JAKMIP1: variants seen among roughly 807,000 people sequenced by gnomAD.
The protein encoded by JAKMIP1 is janus kinase and microtubule interacting protein 1.
Under a neutral mutation model 113.0 loss-of-function variants are expected in JAKMIP1, and 33 were observed. The observed-to-expected ratio is 0.29, with a 90% CI of 0.22 to 0.39. JAKMIP1 has a LOEUF of 0.39. JAKMIP1 is among the 10% of genes least tolerant of loss of function. JAKMIP1 has a pLI of 1.00. For synonymous variants in JAKMIP1, 480 were observed against 459.9 expected, an observed-to-expected ratio of 1.04 and a Z score of -0.56; for missense variants, 813 against 1,080.5, an observed-to-expected ratio of 0.75 and a Z score of 3.47.
intron 1 of JAKMIP1, among the ~76,000 whole-genome samples, chr4:6,177,749 C>T (rs1266775865): frequency 6.6e-6 from 1 of 152,266 alleles, no homozygotes; most frequent in Middle Eastern, 3.4e-3. Flanking sequence ...GCAACCTCCT[C>T]CACTCCACCC....
chr4:6,169,125 G>A (rs1724013414), intron 1 of JAKMIP1, among the ~76,000 whole-genome samples: 2 of 152,190 alleles, frequency 1.3e-5, no homozygotes, highest in South Asian at 4.1e-4. Flanking sequence ...AGATTTTATA[G>A]TACATGAATT....
At chr4:6,047,392 G>C (rs567772411) in intron 16 of JAKMIP1, among the ~76,000 whole-genome samples, 194 of 152,362 alleles carry the variant, frequency 1.3e-3, no homozygotes, top group African/African-American at 4.4e-3. Context: ...AGCCTAGGCA[G>C]CCACGGAGGG....
chr4:6,073,682 C>T (rs1719292017), intron 8 of JAKMIP1, among the ~76,000 whole-genome samples: 1 of 152,156 alleles, frequency 6.6e-6, no homozygotes, highest in Non-Finnish European at 1.5e-5. Context: ...TCCTTAGATC[C>T]CATGGATATA....
chr4:6,104,958 G>C (rs370139631), intron 3 of JAKMIP1, among the ~76,000 whole-genome samples: 1 of 152,190 alleles, frequency 6.6e-6, no homozygotes, highest in African/African-American at 2.4e-5. Context: ...AATGCCCCAA[G>C]GGAAGAAAGC....
Position 6,200,468 on chromosome 4 carries a change from C to T in JAKMIP1, c.-363G>A, listed in dbSNP as rs1728322408. ...GAGGATGGCAGTCGCGCGCGCGGCT[C>T]GGCGGGGCGGGAGTCGAGAGGCCGC... On this transcript the variant is annotated 5_prime_UTR_variant, in exon 1 of 21. Transcript: ENST00000409021. The surrounding 1 kb of genome is among the most constrained non-coding windows in gnomAD (Gnocchi z 7.0). The T allele has an allele frequency of 6.6e-6, 1 of 150,780 alleles. No individual in the cohort carries two copies. The highest frequency in any genetic ancestry group is 6.6e-5 in the Admixed American group (1 of 15,158). 9.3% of individuals were successfully genotyped at this position (150,780 alleles called of 1,614,324 possible).
intron 2 of JAKMIP1, among the ~76,000 whole-genome samples, chr4:6,112,330 A>G (rs1455716886): frequency 6.6e-6 from 1 of 152,194 alleles, no homozygotes; most frequent in Admixed American, 6.5e-5. Context: ...TTCTGTCCCC[A>G]TAATGAATGC....
In JAKMIP1 at chr4:6,169,496, C is replaced by G. The variant is rs940615787; in HGVS notation, c.-148+30757G>C. Among the ~76,000 whole-genome samples the G allele has an allele frequency of 2.6e-5, 4 of 152,218 alleles. No individual in the cohort carries two copies. In the South Asian group the frequency reaches 6.2e-4, roughly 24 times the overall value. On this transcript the variant is annotated intron_variant, in intron 1 of 20. Transcript: ENST00000409021. ...ACTAGAGCTTTCAGAGAGAGCATGG[C>G]CCTGCCCACACCTTCATCTCAGACT...
At chr4:6,173,805 G>A (rs755466940) in intron 1 of JAKMIP1, among the ~76,000 whole-genome samples, 7 of 152,208 alleles carry the variant, frequency 4.6e-5, no homozygotes, top group African/African-American at 7.2e-5. Context: ...GCTGGGCATG[G>A]TGGCTCACGC....
In JAKMIP1 at chr4:6,081,437, G is replaced by C. The variant is rs187371997; in HGVS notation, c.1101+172C>G. Among the ~76,000 whole-genome samples, 18 of 152,332 alleles carry C rather than the reference G, an allele frequency of 1.2e-4. No homozygotes were observed. In the East Asian group the frequency reaches 3.3e-3, roughly 28 times the overall value. Reference sequence around the variant, plus strand: ...CAAACACCCACAGCACAGTGAATGTGAGACAGGTGGAGAGAAAGGCGAGAC... The same window carrying C: ...CAAACACCCACAGCACAGTGAATGTCAGACAGGTGGAGAGAAAGGCGAGAC... On this transcript the variant is annotated intron_variant, in intron 6 of 20. Coordinates refer to ENST00000409021, the MANE Select transcript of JAKMIP1 (RefSeq NM_001099433.2). The surrounding 1 kb of genome is among the most constrained non-coding windows in gnomAD (Gnocchi z 4.6).
chr4:6,111,558 C>T (rs866772031), intron 2 of JAKMIP1, among the ~76,000 whole-genome samples: 2 of 152,242 alleles, frequency 1.3e-5, no homozygotes, highest in Non-Finnish European at 2.9e-5. Context: ...GCTATAATTA[C>T]ACCATAATAG....
intron 18 of JAKMIP1, among the ~76,000 whole-genome samples, chr4:6,039,431 G>A (rs1014033597): frequency 1.3e-5 from 2 of 152,150 alleles, no homozygotes; most frequent in South Asian, 2.1e-4. Flanking sequence ...TACGCTTTGC[G>A]GGACCCTAAG....
In JAKMIP1 at chr4:6,101,366, C is replaced by T. The variant is rs1578235487; in HGVS notation, c.624+4107G>A. ...GATCATCCTCTCTATAGTGAACTGC[C>T]ACGGTATCTTTGTCCACACACGTGA... On this transcript the variant is annotated intron_variant, in intron 3 of 20. Coordinates refer to ENST00000409021, the MANE Select transcript of JAKMIP1 (RefSeq NM_001099433.2). Among the ~76,000 whole-genome samples, 7 of 152,144 alleles carry T rather than the reference C, an allele frequency of 4.6e-5. 1 individual carries two copies. In the South Asian group the frequency reaches 1.5e-3, roughly 32 times the overall value.
At chr4:6,146,895 T>A (rs1720923169) in intron 1 of JAKMIP1, among the ~76,000 whole-genome samples, 1 of 152,226 alleles carries the variant, frequency 6.6e-6, no homozygotes, top group African/African-American at 2.4e-5. Context: ...TCTACCTCAT[T>A]AAAGGATGAG....
chr4:6,123,924 C>G (rs1342203063), intron 1 of JAKMIP1, among the ~76,000 whole-genome samples: 1 of 152,222 alleles, frequency 6.6e-6, no homozygotes, highest in East Asian at 1.9e-4. Flanking sequence ...TGCTTGCTGT[C>G]TCTTTTTATA....
chr4:6,116,125 G>A lies in JAKMIP1; in HGVS notation c.-147-3128C>T, dbSNP rs566476565. Among the ~76,000 whole-genome samples the A allele has an allele frequency of 6.6e-6, 1 of 152,190 alleles. No individual in the cohort carries two copies. Among genetic ancestry groups the A allele is most frequent in the Admixed American group, 6.5e-5 (1 of 15,290 alleles). Reference sequence around the variant, plus strand: ...AGTGCAGGAGGGGAAGATGTCCAAAGTTCTGGGCCAAGTCAATCTCGGAGC... The same window carrying A: ...AGTGCAGGAGGGGAAGATGTCCAAAATTCTGGGCCAAGTCAATCTCGGAGC... On this transcript the variant is annotated intron_variant, in intron 1 of 20. Transcript: ENST00000409021. This position sits in a 1 kb window ranked among gnomAD's most constrained non-coding sequence, Gnocchi z 5.1.
chr4:6,144,313 G>A (rs1720543385), intron 1 of JAKMIP1, among the ~76,000 whole-genome samples: 2 of 152,198 alleles, frequency 1.3e-5, no homozygotes, highest in African/African-American at 2.4e-5. Context: ...TCTATCAAAT[G>A]TTTGAAGAAG....
At chr4:6,041,731 A>G (rs1174553799) in intron 17 of JAKMIP1, among the ~76,000 whole-genome samples, 1 of 152,216 alleles carries the variant, frequency 6.6e-6, no homozygotes, top group African/African-American at 2.4e-5. Flanking sequence ...CCAAGTTTTC[A>G]TGGCCAGCAA....
At chr4:6,073,056 C>T (rs904639336) in intron 8 of JAKMIP1, among the ~76,000 whole-genome samples, 2 of 142,436 alleles carry the variant, frequency 1.4e-5, no homozygotes, top group Non-Finnish European at 3.0e-5. Context: ...CCAACCTGGG[C>T]GACAGAGAGA....
rs893174613 is a variant in JAKMIP1 at position 6,064,314 on chromosome 4, C to T, written c.1431+566G>A. ...AACGAAGCTGGTCTTTGCCCCCTCACGAATCCACCTTGCTCAAGAAGCTGG... is the reference window on the plus strand; with the variant it reads ...AACGAAGCTGGTCTTTGCCCCCTCATGAATCCACCTTGCTCAAGAAGCTGG... On this transcript the variant is annotated intron_variant, in intron 9 of 20. Coordinates refer to ENST00000409021, the MANE Select transcript of JAKMIP1 (RefSeq NM_001099433.2). The surrounding 1 kb of genome is among the most constrained non-coding windows in gnomAD (Gnocchi z 4.3). Among the ~76,000 whole-genome samples the T allele has an allele frequency of 2.6e-5, 4 of 152,232 alleles. No homozygotes were observed. The highest frequency in any genetic ancestry group is 9.6e-5 in the African/African-American group (4 of 41,460).
Sources: gnomAD v4.1 joint callset for allele counts (sites outside exome capture counted in the v4.1 genomes callset) on GRCh38, gnomAD v4.1.1 for gene constraint, Gnocchi (gnomAD v3.1) non-coding constraint, MANE v1.5 for transcripts, NCBI Gene and HGNC (gene_info 2026-07-23, HGNC 2026-07-21) for gene names.